Variants in ATRN observed in about 807,000 individuals in gnomAD.
ATRN encodes attractin-2.
A neutral mutation model predicts 178.7 loss-of-function variants in ATRN; 54 were observed. The ratio of observed to expected loss-of-function variants is 0.30; its 90% CI spans 0.24 to 0.38. The LOEUF (loss-of-function observed/expected upper bound fraction) is 0.38, where lower values mean the gene tolerates loss of function less well. Ranked by LOEUF, ATRN falls within the 10% of genes least tolerant of loss-of-function variation. The probability of loss-of-function intolerance (pLI) is 1.00; values close to 1 mark genes in which losing one functional copy is unlikely to be tolerated. For synonymous variants in ATRN, 636 were observed against 663.0 expected (o/e 0.96, Z 0.63); for missense variants, 1,443 against 1,815.1 (o/e 0.79, Z 3.73).
At chr20:3,492,081 C>G (rs913173040) in intron 1 of ATRN, among the ~76,000 whole-genome samples, 9 of 151,366 alleles carry the variant, frequency 5.9e-5, no homozygotes, top group Non-Finnish European at 1.2e-4. Context: ...CTTATTTGTG[C>G]TTATTTTTGC....
chr20:3,547,848 G>A (rs2085729805), intron 5 of ATRN, among the ~76,000 whole-genome samples: 1 of 151,366 alleles, frequency 6.6e-6, no homozygotes, highest in Non-Finnish European at 1.5e-5. Context: ...GAAAATTGGT[G>A]TCAGTTATAC....
chr20:3,649,148 C>T lies in ATRN; in HGVS notation c.*2301C>T, dbSNP rs527287670. The T allele has an allele frequency of 1.6e-4, 24 of 152,252 alleles. No individual in the cohort carries two copies. Among genetic ancestry groups the T allele is most frequent in the African/African-American group, 5.8e-4 (24 of 41,422 alleles). The allele number at this position is 152,252 out of a possible 1,614,324, so 9.4% of individuals were successfully genotyped here. A position where few individuals can be genotyped will look rare whatever the true frequency, so the allele number is the denominator to read the frequency against. ...CCGACAGCAAACAGCTTTCTCCGGC[C>T]TCAGGGCAGAAAAAGGGAATGGCAG... On this transcript the variant is annotated 3_prime_UTR_variant, in exon 29 of 29. Transcript: ENST00000262919.
intron 24 of ATRN, among the ~76,000 whole-genome samples, chr20:3,614,469 A>G (rs927416948): frequency 1.3e-5 from 2 of 152,182 alleles, no homozygotes; most frequent in African/African-American, 4.8e-5. Flanking sequence ...GTTTTATGTA[A>G]GAGGCCAGTG....
At chr20:3,525,997 A>C (rs2085359197) in intron 1 of ATRN, among the ~76,000 whole-genome samples, 1 of 152,180 alleles carries the variant, frequency 6.6e-6, no homozygotes, top group Non-Finnish European at 1.5e-5. Context: ...GCACAAGACA[A>C]GGATGCCCTC....
intron 25 of ATRN, among the ~76,000 whole-genome samples, chr20:3,629,527 C>T (rs2086973874): frequency 6.6e-6 from 1 of 152,214 alleles, no homozygotes; most frequent in African/African-American, 2.4e-5. Flanking sequence ...CTGACACCAA[C>T]TCAGTGTCTC....
At chr20:3,568,381 C>T (rs982406168) in intron 11 of ATRN, among the ~76,000 whole-genome samples, 2 of 151,614 alleles carry the variant, frequency 1.3e-5, no homozygotes, top group African/African-American at 4.9e-5. Context: ...GGCATGGTGG[C>T]TCATGCCTGT....
intron 24 of ATRN, among the ~76,000 whole-genome samples, chr20:3,620,160 T>TC: frequency 6.6e-6 from 1 of 152,316 alleles, no homozygotes; most frequent in East Asian, 1.9e-4. Flanking sequence ...AGGATTTTTT[T>TC]TTTTCAATGC....
At chr20:3,490,124 A>T in intron 1 of ATRN, 1 of 1,479,438 alleles carries the variant, frequency 6.8e-7, no homozygotes, top group Non-Finnish European at 9.4e-7. Flanking sequence ...TGGCAAACAA[A>T]GAGTTATCAA....
chr20:3,635,250 C>T (rs2037011), intron 26 of ATRN, among the ~76,000 whole-genome samples: 26,309 of 151,568 alleles, frequency 0.17, 4,756 homozygotes, highest in African/African-American at 0.47. Context: ...TACTATACAT[C>T]GGGTACAGTG....
At chr20:3,474,411 T>A (rs935009554) in intron 1 of ATRN, among the ~76,000 whole-genome samples, 1 of 151,902 alleles carries the variant, frequency 6.6e-6, no homozygotes, top group African/African-American at 2.4e-5. Flanking sequence ...TCTGGTCTTT[T>A]AAAAAAAACT....
intron 24 of ATRN, among the ~76,000 whole-genome samples, chr20:3,604,725 A>G (rs574004596): frequency 6.6e-6 from 1 of 152,232 alleles, no homozygotes; most frequent in Non-Finnish European, 1.5e-5. Flanking sequence ...GTTGAAGAAC[A>G]TCAGCCTTCT....
chr20:3,535,775 T>G (rs1254603344), intron 2 of ATRN, among the ~76,000 whole-genome samples: 1 of 151,870 alleles, frequency 6.6e-6, no homozygotes, highest in East Asian at 1.9e-4. Context: ...GGATTACAGG[T>G]GCATGCCACC....
intron 1 of ATRN, among the ~76,000 whole-genome samples, chr20:3,514,459 A>G (rs944152832): frequency 6.6e-6 from 1 of 152,224 alleles, no homozygotes. Context: ...AAATGTAAAC[A>G]GAATATTTGC....
rs193146334 is a variant in ATRN at position 3,616,418 on chromosome 20, G to A, written c.3802-8093G>A. ...CATTCCTGGGAGCCATGAGAGGGGAGGGGAGTGCCCTGTGTCACCTGAGTC... is the reference window on the plus strand; with the variant it reads ...CATTCCTGGGAGCCATGAGAGGGGAAGGGAGTGCCCTGTGTCACCTGAGTC... On this transcript the variant is annotated intron_variant, in intron 24 of 28. Transcript: ENST00000262919. Among the ~76,000 whole-genome samples the A allele has an allele frequency of 2.7e-3, 408 of 152,120 alleles. 2 individuals carry two copies. Among genetic ancestry groups the A allele is most frequent in the Non-Finnish European group, 2.0e-3 (139 of 68,006 alleles).
intron 1 of ATRN, among the ~76,000 whole-genome samples, chr20:3,515,772 A>G (rs1165736831): frequency 6.6e-6 from 1 of 152,160 alleles, no homozygotes; most frequent in African/African-American, 2.4e-5. Context: ...GCAGAAGGTA[A>G]AAGTATTGGG....
At chr20:3,628,560 C>T (rs966254435) in intron 25 of ATRN, among the ~76,000 whole-genome samples, 1 of 152,154 alleles carries the variant, frequency 6.6e-6, no homozygotes, top group Non-Finnish European at 1.5e-5. Flanking sequence ...ATCCCTTGGT[C>T]CAGTGTATCC....
chr20:3,572,930 T>A lies in ATRN; in HGVS notation c.2071T>A (p.Ser691Thr), dbSNP rs2086148407. The A allele has an allele frequency of 6.2e-7, 1 of 1,613,726 alleles. No individual in the cohort carries two copies. The highest frequency in any genetic ancestry group is 1.3e-5 in the African/African-American group (1 of 74,908). Residue 691 changes from serine (S) to threonine (T), a missense_variant, in exon 12 of 29, where the codon TCA becomes ACA. Around this residue, in one of 4 missense-constraint regions of ATRN, gnomAD observed 862 missense variants for 972.1 expected, o/e 0.89. Transcript: ENST00000262919. ...TGATGAACAAGAAGAAAAGTTAAAA[T>A]CAGAATGTTTTTCCAAAAGAAGTAT... is the stretch of plus-strand genomic sequence containing the variant. ...ATDEQEEKLK[S>T]ECFSKRTLDH...
intron 24 of ATRN, among the ~76,000 whole-genome samples, chr20:3,615,632 T>A (rs895469765): frequency 6.9e-5 from 10 of 145,848 alleles, no homozygotes; most frequent in African/African-American, 1.8e-4. Flanking sequence ...CTTGGCTCGC[T>A]GCAACATCTG....
intron 1 of ATRN, chr20:3,489,833 G>T (rs2084759307): frequency 8.0e-7 from 1 of 1,257,076 alleles, no homozygotes; most frequent in Non-Finnish European, 1.2e-6. Flanking sequence ...TGATATTTAG[G>T]CCATGAAGCT....
Sources: gnomAD v4.1 joint callset for allele counts (sites outside exome capture counted in the v4.1 genomes callset) on GRCh38, gnomAD v4.1.1 for gene constraint, gnomAD v4.1.1 regional missense constraint, MANE v1.5 for transcripts, NCBI Gene and HGNC (gene_info 2026-07-23, HGNC 2026-07-21) for gene names.